Variants in NEDD4 observed in about 807,000 individuals in gnomAD.
NEDD4 encodes NEDD4 E3 ubiquitin protein ligase.
NEDD4 carries 99 observed loss-of-function variants against 144.9 expected under a neutral mutation model. The ratio of observed to expected loss-of-function variants is 0.68; its 90% confidence interval spans 0.58 to 0.81. The LOEUF (loss-of-function observed/expected upper bound fraction) is 0.81. Ranked by LOEUF, NEDD4 falls within the 30% of genes least tolerant of loss-of-function variation. The pLI is 0.00. For missense variants in NEDD4, 985 were observed against 1,065.9 expected (o/e 0.92, Z 1.06); for synonymous variants, 318 against 350.6 (o/e 0.91, Z 1.04).
At position 55,829,970 on chromosome 15, in the gene NEDD4, T is replaced by G; in HGVS notation, c.2630A>C (p.Glu877Ala). Residue 877 changes from glutamate (E) to alanine (A), a missense_variant, in exon 29 of 29, where the codon GAA becomes GCA. Glu to Ala is a moderately radical substitution (Grantham distance 107). Transcript: ENST00000435532. ...TTTATCCCATAATTCTTCAAATGAT[T>G]CATAAGGTGGCAAGTCCAGGCGATT... ...CFNRLDLPPY[E>A]SFEELWDKLQ... 6.2e-7 allele frequency: 1 copy of G among 1,613,498 alleles called. No individual in the cohort carries two copies. The highest frequency in any genetic ancestry group is 8.5e-7 in the Non-Finnish European group (1 of 1,179,762).
chr15:55,830,946 A>G (rs2032920716), intron 27 of NEDD4, among the ~76,000 whole-genome samples: 2 of 152,128 alleles, frequency 1.3e-5, no homozygotes, highest in Non-Finnish European at 2.9e-5. Flanking sequence ...GCCACAAGCC[A>G]TTCACTCTGT....
At chr15:55,951,445 T>C (rs935610279) in intron 3 of NEDD4, 31 bp from the exon 4 acceptor site, 4 of 1,264,678 alleles carry the variant, frequency 3.2e-6, no homozygotes, top group Non-Finnish European at 4.4e-6. Flanking sequence ...TATAACTAAA[T>C]AAGGTTTTGT....
At chr15:55,895,166 C>G (rs1250807890) in intron 5 of NEDD4, among the ~76,000 whole-genome samples, 1 of 152,284 alleles carries the variant, frequency 6.6e-6, no homozygotes, top group East Asian at 1.9e-4. Context: ...AAAGTATTCA[C>G]TCTCGACTGA....
rs201063976 is a variant in NEDD4, at chr15:55,922,817, TG to T, written c.291+1828del. The stretch of plus-strand genomic sequence containing the variant: ...GATCTAGGGAGGGTTTCAAAGATTT[TG>T]GTAATGTTCTAGTTCTTAAGCTGAG... On this transcript the variant is annotated intron_variant, in intron 5 of 28. Transcript: ENST00000435532. Among the ~76,000 whole-genome samples the T allele has an allele frequency of 6.0e-3, 909 of 152,318 alleles. 25 individuals are homozygous for T. The highest frequency in any genetic ancestry group is 0.047 in the Admixed American group (722 of 15,296).
intron 5 of NEDD4, among the ~76,000 whole-genome samples, chr15:55,908,174 T>C (rs1359767270): frequency 1.3e-5 from 2 of 152,228 alleles, no homozygotes; most frequent in African/African-American, 4.8e-5. Flanking sequence ...AAAGGGTCCC[T>C]GGCTTTATTC....
intron 5 of NEDD4, among the ~76,000 whole-genome samples, chr15:55,894,949 C>T (rs1366128722): frequency 6.6e-6 from 1 of 152,044 alleles, no homozygotes; most frequent in African/African-American, 2.4e-5. Flanking sequence ...AACTAGATGA[C>T]TACTAAATAT....
chr15:55,838,999 C>T (rs5024063), intron 21 of NEDD4, among the ~76,000 whole-genome samples: 19,944 of 151,800 alleles, frequency 0.13, 1,495 homozygotes, highest in East Asian at 0.33. Context: ...TATGTGACTT[C>T]GTGTTAAATG....
intron 18 of NEDD4, among the ~76,000 whole-genome samples, chr15:55,842,441 C>A (rs1346476014): frequency 2.0e-5 from 3 of 152,188 alleles, no homozygotes; most frequent in Non-Finnish European, 4.4e-5. Context: ...GGCTGGAGTG[C>A]AGTGGCGTGA....
Position 55,873,968 on chromosome 15 carries a change from T to C in NEDD4, c.332A>G (p.Tyr111Cys). 1 of 1,546,540 alleles carries C rather than the reference T, an allele frequency of 6.5e-7. No homozygotes were observed. The highest frequency in any genetic ancestry group is 1.4e-5 in the African/African-American group (1 of 73,224). Residue 111 changes from tyrosine (Y) to cysteine (C), a missense_variant, in exon 6 of 29, where the codon TAT (tyrosine) becomes TGT (cysteine). By Grantham distance (194) the Tyr-to-Cys change is radical. Transcript: ENST00000435532. Reference sequence around the variant, plus strand: ...GACACCTATACCAACCGGTAATGGATAAAGTGGAACATCCACTTGACCTAG... The same window carrying C: ...GACACCTATACCAACCGGTAATGGACAAAGTGGAACATCCACTTGACCTAG... ...DFLGQVDVPL[Y>C]PLPTENPRLE...
intron 4 of NEDD4, among the ~76,000 whole-genome samples, chr15:55,940,051 T>C (rs2036967789): frequency 6.6e-6 from 1 of 152,208 alleles, no homozygotes; most frequent in Non-Finnish European, 1.5e-5. Flanking sequence ...AACCCTGCCA[T>C]TTCCAACAAA....
chr15:55,967,549 G>T (rs2037536751), intron 1 of NEDD4, among the ~76,000 whole-genome samples: 1 of 151,528 alleles, frequency 6.6e-6, no homozygotes, highest in Admixed American at 6.6e-5. Context: ...GGGTATACAG[G>T]TGTACACTGT....
At chr15:55,832,977 AT>A (rs1408958074) in intron 27 of NEDD4, 30 bp downstream of exon 27, 4 of 1,479,596 alleles carry the variant, frequency 2.7e-6, no homozygotes, top group Non-Finnish European at 2.8e-6. Flanking sequence ...GCATTATTCC[AT>A]TTTTTTAATG....
intron 5 of NEDD4, among the ~76,000 whole-genome samples, chr15:55,897,998 C>T (rs551474569): frequency 6.6e-6 from 1 of 152,300 alleles, no homozygotes; most frequent in African/African-American, 2.4e-5. Flanking sequence ...TATTCAAATG[C>T]CATGATATTA....
chr15:55,880,726 G>C lies in NEDD4; in HGVS notation c.292-6718C>G, dbSNP rs1419853883. On this transcript the variant is annotated intron_variant, in intron 5 of 28. Transcript: ENST00000435532. ...CAGAGTAACAGTTATGTAACACCTA[G>C]AGAGCAACCAGTGCATACTGGAGCA... Among the ~76,000 whole-genome samples the C allele has an allele frequency of 2.0e-5, 3 of 152,230 alleles. No individual in the cohort carries two copies. The East Asian group carries it at 5.8e-4, about 29-fold the overall frequency.
intron 1 of NEDD4, among the ~76,000 whole-genome samples, chr15:55,990,245 C>A (rs1178644870): frequency 1.3e-5 from 2 of 152,118 alleles, no homozygotes; most frequent in South Asian, 2.1e-4. Flanking sequence ...CCTGAAACCA[C>A]TGGACCGCAT....
intron 1 of NEDD4, among the ~76,000 whole-genome samples, chr15:55,983,683 T>C (rs1200372815): frequency 2.0e-5 from 3 of 151,406 alleles, no homozygotes; most frequent in African/African-American, 7.3e-5. Context: ...GCAGTCTCGG[T>C]TCACTGCAAC....
chr15:55,968,647 C>T (rs189627982), intron 1 of NEDD4, among the ~76,000 whole-genome samples: 8 of 152,216 alleles, frequency 5.3e-5, no homozygotes, highest in South Asian at 2.1e-4. Context: ...ATAATCTCAC[C>T]GGTCAGCAGA....
intron 1 of NEDD4, among the ~76,000 whole-genome samples, chr15:55,982,464 T>C (rs190412443): frequency 1.3e-5 from 2 of 152,108 alleles, no homozygotes; most frequent in African/African-American, 4.8e-5. Flanking sequence ...ACCCCATGGA[T>C]GACTCTCAAA....
At chr15:55,965,360 C>A (rs1163748281) in intron 2 of NEDD4, among the ~76,000 whole-genome samples, 2 of 152,004 alleles carry the variant, frequency 1.3e-5, no homozygotes, top group Non-Finnish European at 2.9e-5. Context: ...CGCCACCATG[C>A]CCAGCTGATT....
Sources: allele counts gnomAD v4.1 joint callset (sites outside exome capture counted in the v4.1 genomes callset), GRCh38; gene constraint gnomAD v4.1.1; transcripts MANE v1.5; gene names NCBI Gene and HGNC (gene_info 2026-07-23, HGNC 2026-07-21).